ACACA: variants seen among roughly 807,000 people sequenced by gnomAD.
The protein encoded by ACACA is acetyl-CoA carboxylase 1.
ACACA carries 103 observed loss-of-function variants against 296.1 expected under a neutral mutation model. The ratio of observed to expected loss-of-function variants is 0.35; its 90% confidence interval spans 0.30 to 0.41. The LOEUF (loss-of-function observed/expected upper bound fraction) is 0.41. ACACA is among the 10% of genes least tolerant of loss of function. The pLI, the probability that ACACA is intolerant of heterozygous loss-of-function variation, is 1.00. For synonymous variants in ACACA, 953 were observed against 1,038.6 expected, an observed-to-expected ratio of 0.92 and a Z score of 1.58; for missense variants, 1,554 against 2,989.7, an observed-to-expected ratio of 0.52 and a Z score of 11.20.
Position 37,263,723 on chromosome 17 carries a change from T to C in ACACA, c.1291A>G (p.Thr431Ala), listed in dbSNP as rs772724727. ...TCAAATACTGCTGGAGTAGCAATAG[T>C]AGCAGGTGCTTCTTCAATAATCTTC... ...HQKIIEEAPA[T>A]IATPAVFEHM... Residue 431 changes from threonine (T) to alanine (A), a missense_variant, in exon 11 of 56, where the codon ACT becomes GCT. Around this residue, in one of 16 missense-constraint regions of ACACA, gnomAD observed 82 missense variants for 185.2 expected, o/e 0.44. Coordinates refer to ENST00000616317, the MANE Select transcript of ACACA (RefSeq NM_198834.3). 4.3e-6 allele frequency: 7 copies of C among 1,614,128 alleles called. No homozygotes were observed. The highest frequency in any genetic ancestry group is 1.7e-4 in the Middle Eastern group (1 of 6,060).
At chr17:37,340,707 A>G (rs2048339867) in intron 1 of ACACA, among the ~76,000 whole-genome samples, 1 of 152,240 alleles carries the variant, frequency 6.6e-6, no homozygotes, top group Non-Finnish European at 1.5e-5. Flanking sequence ...AGTCTGAGCT[A>G]GTATTATTCC....
intron 1 of ACACA, among the ~76,000 whole-genome samples, chr17:37,396,437 A>G (rs1010686885): frequency 6.6e-6 from 1 of 152,174 alleles, no homozygotes; most frequent in African/African-American, 2.4e-5. Context: ...ATAATCTCAA[A>G]AATCAAAGTG....
At chr17:37,155,816 C>T in intron 42 of ACACA, 36 bp from the exon 43 acceptor site, 3 of 1,353,032 alleles carry the variant, frequency 2.2e-6, no homozygotes, top group Non-Finnish European at 3.2e-6. Flanking sequence ...TCATTATTTG[C>T]CATTGTCATA....
intron 5 of ACACA, among the ~76,000 whole-genome samples, chr17:37,279,095 T>C (rs2082393275): frequency 6.6e-6 from 1 of 152,140 alleles, no homozygotes; most frequent in Non-Finnish European, 1.5e-5. Flanking sequence ...TCAGTGATCA[T>C]TAGAGAAATG....
At position 37,250,748 on chromosome 17, in the gene ACACA, G is replaced by A. The variant is rs953461769; in HGVS notation, c.2081+1257C>T. On this transcript the variant is annotated intron_variant, in intron 16 of 55. Coordinates refer to ENST00000616317, the MANE Select transcript of ACACA (RefSeq NM_198834.3). ...GAGTCTTTAAAAAGGCCGGGCAGCC[G>A]GGCACGGTGGCTCACGCCTGTAATC... 3.3e-5 allele frequency among the ~76,000 whole-genome samples: 5 copies of A among 152,294 alleles called. No individual in the cohort carries two copies. The South Asian group carries it at 6.2e-4, about 19-fold the overall frequency.
At chr17:37,117,340 T>C (rs1176099064) in intron 50 of ACACA, among the ~76,000 whole-genome samples, 1 of 152,246 alleles carries the variant, frequency 6.6e-6, no homozygotes, top group Non-Finnish European at 1.5e-5. Context: ...GACTTTAAAA[T>C]AGACTTTCAT....
intron 3 of ACACA, among the ~76,000 whole-genome samples, chr17:37,301,153 T>C (rs907062175): frequency 6.6e-6 from 1 of 152,208 alleles, no homozygotes; most frequent in African/African-American, 2.4e-5. Context: ...TAATCGAGTT[T>C]ATGCTTCCTT....
chr17:37,223,488 T>C (rs776650526), intron 28 of ACACA, 24 bp downstream of exon 28: 3 of 1,537,122 alleles, frequency 2.0e-6, no homozygotes, highest in South Asian at 1.1e-5. Flanking sequence ...GAAAAGGTCA[T>C]GTCCCATTAC....
chr17:37,385,942 T>C, intron 1 of ACACA: 1 of 1,075,704 alleles, frequency 9.3e-7, no homozygotes, highest in Non-Finnish European at 1.4e-6. Flanking sequence ...CAGGGTTTCA[T>C]CAGATAAAAC....
intron 26 of ACACA, 138 bp downstream of exon 26, chr17:37,226,201 T>C: frequency 1.3e-6 from 1 of 792,472 alleles, no homozygotes; most frequent in Non-Finnish European, 2.3e-6. Flanking sequence ...TGAAAACATT[T>C]GTTCTGAGGA....
chr17:37,203,394 G>A (rs369957780), intron 33 of ACACA, among the ~76,000 whole-genome samples: 1 of 152,064 alleles, frequency 6.6e-6, no homozygotes, highest in Non-Finnish European at 1.5e-5. Context: ...AACCTAGGAA[G>A]AAACTTTCAC....
chr17:37,259,529 C>T lies in ACACA; in HGVS notation c.1331G>A (p.Cys444Tyr). ...TPAVFEHMEQ[C>Y]AVKLAKMVGY... ...CACCATTTTGGCAAGTTTCACCGCA[C>T]ACTCAAAGAAGAGAGATAAGCAAAC... is the stretch of plus-strand genomic sequence containing the variant. Residue 444 changes from cysteine to tyrosine, a missense_variant and splice_region_variant, in exon 12 of 56, where the codon TGT becomes TAT. Around this residue, in one of 16 missense-constraint regions of ACACA, gnomAD observed 82 missense variants for 185.2 expected, o/e 0.44. Transcript: ENST00000616317. 1 of 1,614,186 alleles carries T rather than the reference C, an allele frequency of 6.2e-7. No individual in the cohort carries two copies. The highest frequency in any genetic ancestry group is 8.5e-7 in the Non-Finnish European group (1 of 1,180,024).
chr17:37,163,196 TAAA>T lies in ACACA; in HGVS notation c.5080-1149_5080-1147del, dbSNP rs80294939. 28 of 59,294 alleles carry T rather than the reference TAAA, an allele frequency of 4.7e-4. 1 individual carries two copies. The highest frequency in any genetic ancestry group is 3.9e-3 in the East Asian group (4 of 1,026). The allele number at this position is 59,294 out of a possible 1,614,324, so 3.7% of individuals were successfully genotyped here. On this transcript the variant is annotated intron_variant, in intron 41 of 55. Coordinates refer to ENST00000616317, the MANE Select transcript of ACACA (RefSeq NM_198834.3). ...AATTAACTCAAAAATGTCACGGTGCTAAAAAAAAAAAAAAAAAAAAGAGTGTAG... is the reference window on the plus strand; with the variant it reads ...AATTAACTCAAAAATGTCACGGTGCTAAAAAAAAAAAAAAAAAGAGTGTAG...
chr17:37,130,446 A>T (rs565867681), intron 45 of ACACA, among the ~76,000 whole-genome samples: 1 of 152,238 alleles, frequency 6.6e-6, no homozygotes, highest in Non-Finnish European at 1.5e-5. Context: ...GGCTTACTAT[A>T]GCATTAGGAG....
intron 1 of ACACA, among the ~76,000 whole-genome samples, chr17:37,404,987 G>A (rs1182765401): frequency 2.0e-5 from 3 of 152,082 alleles, no homozygotes; most frequent in Non-Finnish European, 4.4e-5. Flanking sequence ...GATCTGCCTT[G>A]ATTTCCATCT....
At chr17:37,350,034 A>C (rs998024378) in intron 1 of ACACA, among the ~76,000 whole-genome samples, 9 of 152,200 alleles carry the variant, frequency 5.9e-5, no homozygotes, top group African/African-American at 2.2e-4. Flanking sequence ...GTGATGCAAT[A>C]GAAGTATACA....
At chr17:37,196,970 T>C (rs2078030621) in intron 35 of ACACA, among the ~76,000 whole-genome samples, 1 of 152,216 alleles carries the variant, frequency 6.6e-6, no homozygotes, top group Admixed American at 6.5e-5. Flanking sequence ...AATATCAAAG[T>C]TAGGCAGTTA....
intron 2 of ACACA, among the ~76,000 whole-genome samples, chr17:37,337,844 T>C (rs1402268285): frequency 1.3e-5 from 2 of 152,108 alleles, no homozygotes; most frequent in African/African-American, 2.4e-5. Context: ...ACGCCTGTAA[T>C]CCCAGCACTT....
intron 18 of ACACA, 95 bp from the exon 19 acceptor site, chr17:37,247,071 G>T: frequency 7.1e-7 from 1 of 1,413,956 alleles, no homozygotes; most frequent in Non-Finnish European, 1.0e-6. Flanking sequence ...AAAAAATCCT[G>T]AAAACTTTAT....
Sources: allele counts gnomAD v4.1 joint callset (sites outside exome capture counted in the v4.1 genomes callset), GRCh38; gene constraint gnomAD v4.1.1; regional missense constraint gnomAD v4.1.1; transcripts MANE v1.5; gene names NCBI Gene and HGNC (gene_info 2026-07-23, HGNC 2026-07-21).